The following CHCHD6 variants were observed in gnomAD, a reference collection of about 807,000 sequenced individuals.
CHCHD6 encodes the protein coiled-coil-helix-coiled-coil-helix domain containing 6, also known as MICOS complex subunit MIC25.
In CHCHD6, 28 loss-of-function variants were observed where a neutral mutation model predicts 32.3. That is an observed-to-expected ratio of 0.87 (90% confidence interval 0.64 to 1.19). The LOEUF (loss-of-function observed/expected upper bound fraction) is 1.19, where lower values mean the gene tolerates loss of function less well. CHCHD6 is among the 50% of genes most tolerant of loss of function. CHCHD6 has a pLI of 0.00. For missense variants in CHCHD6, 333 were observed against 307.0 expected (o/e 1.08, Z -0.63); for synonymous variants, 122 against 117.5 (o/e 1.04, Z -0.25).
chr3:126,775,475 A>C (rs1376019178), intron 4 of CHCHD6, among the ~76,000 whole-genome samples: 1 of 152,232 alleles, frequency 6.6e-6, no homozygotes, highest in African/African-American at 2.4e-5. Flanking sequence ...AGGCCCAGCC[A>C]GGAGAAACTA....
In CHCHD6 at chr3:126,835,524, C is replaced by T. The variant is rs1209965932; in HGVS notation, c.412-17123C>T. ...CTCTGGGCATGGAAGACCACACACA[C>T]CTGGCCGGCTCTGCTCAGTTCATGA... On this transcript the variant is annotated intron_variant, in intron 4 of 7. Coordinates refer to ENST00000290913, the MANE Select transcript of CHCHD6 (RefSeq NM_032343.3). Among the ~76,000 whole-genome samples, 3 of 152,180 alleles carry T rather than the reference C, an allele frequency of 2.0e-5. No individual in the cohort carries two copies. In the East Asian group the frequency reaches 5.8e-4, roughly 29 times the overall value.
intron 6 of CHCHD6, among the ~76,000 whole-genome samples, chr3:126,945,237 C>G (rs1368162621): frequency 6.6e-6 from 1 of 151,942 alleles, no homozygotes; most frequent in African/African-American, 2.4e-5. Flanking sequence ...GGCCAGCCCT[C>G]GGGTTCTGGG....
chr3:126,913,908 G>C (rs945717240), intron 5 of CHCHD6, among the ~76,000 whole-genome samples: 2 of 152,248 alleles, frequency 1.3e-5, no homozygotes, highest in African/African-American at 4.8e-5. Flanking sequence ...GAGCCACACG[G>C]TGGTGGCATC....
chr3:126,895,908 G>A (rs80014814), intron 5 of CHCHD6, among the ~76,000 whole-genome samples: 3,233 of 152,286 alleles, frequency 0.021, 128 homozygotes, highest in African/African-American at 0.073. Context: ...CTGCTGCACC[G>A]AAGGACAGGG....
chr3:126,717,157 C>A (rs1935060227), intron 1 of CHCHD6, among the ~76,000 whole-genome samples: 2 of 152,260 alleles, frequency 1.3e-5, no homozygotes, highest in Middle Eastern at 3.4e-3. Context: ...TAACCTCTCT[C>A]TACCTTGGTT....
At chr3:126,891,357 G>A (rs2077757397) in intron 5 of CHCHD6, among the ~76,000 whole-genome samples, 1 of 152,184 alleles carries the variant, frequency 6.6e-6, no homozygotes, top group Non-Finnish European at 1.5e-5. Flanking sequence ...AGAGCTGACA[G>A]CAGGGCCCTG....
intron 5 of CHCHD6, among the ~76,000 whole-genome samples, chr3:126,905,881 CT>C (rs2077998150): frequency 6.6e-6 from 1 of 152,202 alleles, no homozygotes; most frequent in South Asian, 2.1e-4. Context: ...GTGTTCACTA[CT>C]TCAAGAACTG....
In CHCHD6 at chr3:126,806,640, C is replaced by T. The variant is rs1327084503; in HGVS notation, c.412-46007C>T. ...TCAACCATTGTGGAAGTCAGTGTGGCGATTCCTCAGGGATCTAGAACTAGA... is the reference window on the plus strand; with the variant it reads ...TCAACCATTGTGGAAGTCAGTGTGGTGATTCCTCAGGGATCTAGAACTAGA... On this transcript the variant is annotated intron_variant, in intron 4 of 7. Coordinates refer to ENST00000290913, the MANE Select transcript of CHCHD6 (RefSeq NM_032343.3). 8.5e-5 allele frequency among the ~76,000 whole-genome samples: 13 copies of T among 152,178 alleles called. 1 individual carries two copies. The highest frequency in any genetic ancestry group is 1.9e-4 in the African/African-American group (8 of 41,552).
At chr3:126,749,041 G>T (rs1165597844) in intron 4 of CHCHD6, among the ~76,000 whole-genome samples, 1 of 152,216 alleles carries the variant, frequency 6.6e-6, no homozygotes, top group Non-Finnish European at 1.5e-5. Context: ...TAAGTGGGAA[G>T]GAGACAAAGA....
chr3:126,901,396 G>C (rs2077926023), intron 5 of CHCHD6, among the ~76,000 whole-genome samples: 1 of 152,200 alleles, frequency 6.6e-6, no homozygotes, highest in African/African-American at 2.4e-5. Context: ...CCTGTGGCCA[G>C]GGCACGGGAA....
intron 4 of CHCHD6, 125 bp downstream of exon 4, chr3:126,733,347 G>A (rs959593341): frequency 2.1e-5 from 18 of 869,592 alleles, no homozygotes; most frequent in Admixed American, 5.3e-5. Flanking sequence ...GGATGTGCTC[G>A]GCTTCACCTC....
chr3:126,739,542 A>G (rs1936201138), intron 4 of CHCHD6, among the ~76,000 whole-genome samples: 1 of 152,166 alleles, frequency 6.6e-6, no homozygotes, highest in South Asian at 2.1e-4. Context: ...GGGTGGGAGC[A>G]CTGGTGGTGG....
intron 6 of CHCHD6, among the ~76,000 whole-genome samples, chr3:126,952,149 A>G (rs1451522483): frequency 6.6e-6 from 1 of 152,116 alleles, no homozygotes; most frequent in Non-Finnish European, 1.5e-5. Flanking sequence ...CTGTTGCTGG[A>G]AGTAGAGAGG....
chr3:126,960,167 G>A, intron 7 of CHCHD6, 29 bp from the exon 8 acceptor site: 1 of 1,551,380 alleles, frequency 6.4e-7, no homozygotes, highest in Non-Finnish European at 8.7e-7. Flanking sequence ...AGTGGGCCCT[G>A]ACTCAACTCT....
chr3:126,883,410 A>C lies in CHCHD6; in HGVS notation c.495+30680A>C, dbSNP rs1431672588. 2.6e-5 allele frequency among the ~76,000 whole-genome samples: 4 copies of C among 152,312 alleles called. No individual in the cohort carries two copies. In the East Asian group the frequency reaches 7.7e-4, roughly 29 times the overall value. ...ACTGTCTTCAGGGAGATGGTGTCGC[A>C]ATAGAATTGGAGGACACCCAGCTGG... is the stretch of plus-strand genomic sequence containing the variant. On this transcript the variant is annotated intron_variant, in intron 5 of 7. Coordinates refer to ENST00000290913, the MANE Select transcript of CHCHD6 (RefSeq NM_032343.3).
intron 4 of CHCHD6, among the ~76,000 whole-genome samples, chr3:126,839,238 G>A (rs771139881): frequency 6.6e-5 from 10 of 152,004 alleles, no homozygotes; most frequent in Non-Finnish European, 1.2e-4. Context: ...GGAATAAAGC[G>A]GTAACACAAT....
intron 6 of CHCHD6, among the ~76,000 whole-genome samples, chr3:126,952,463 G>A (rs376607353): frequency 7.2e-5 from 11 of 152,306 alleles, no homozygotes; most frequent in African/African-American, 2.6e-4. Context: ...GGGGACAAGG[G>A]CAGGGGCCAC....
chr3:126,867,860 C>T (rs978599772), intron 5 of CHCHD6, among the ~76,000 whole-genome samples: 2 of 152,212 alleles, frequency 1.3e-5, no homozygotes, highest in East Asian at 3.9e-4. Context: ...CTAAAACCTC[C>T]TCCACCTATG....
intron 6 of CHCHD6, among the ~76,000 whole-genome samples, chr3:126,915,088 G>A (rs1244804214): frequency 5.9e-5 from 9 of 152,360 alleles, no homozygotes; most frequent in Admixed American, 5.9e-4. Context: ...AAGGAGTTGA[G>A]GCAGGGGTTC....
Sources: allele counts gnomAD v4.1 joint callset (sites outside exome capture counted in the v4.1 genomes callset), GRCh38; gene constraint gnomAD v4.1.1; transcripts MANE v1.5; gene names NCBI Gene and HGNC (gene_info 2026-07-23, HGNC 2026-07-21).